Variants in NOB1 observed in about 807,000 individuals in gnomAD.
NOB1 encodes the protein RNA-binding protein NOB1.
In NOB1, 44 loss-of-function variants were observed where a neutral mutation model predicts 44.8. The observed-to-expected ratio is 0.98, with a 90% CI of 0.77 to 1.26. The LOEUF (loss-of-function observed/expected upper bound fraction) is 1.26. Among genes scored for constraint, NOB1 ranks in the 50% most tolerant of loss-of-function variants. The probability of loss-of-function intolerance (pLI) is 0.00; values close to 1 mark genes in which losing one functional copy is unlikely to be tolerated. For missense variants in NOB1, 560 were observed against 544.8 expected (o/e 1.03, Z -0.28); for synonymous variants, 238 against 218.7 (o/e 1.09, Z -0.78).
In NOB1 at chr16:69,742,347, A is replaced by T; in HGVS notation, c.1224T>A (p.Phe408Leu). ...RLNPNASRKK[F>L]VKKR ...AACTCGCTCTTCACCTTTTCTTCAC[A>T]AACTTCTTTCTGGAAGCGTTGGGAT... Residue 408 changes from phenylalanine to leucine, a missense_variant, in exon 9 of 9, where the codon TTT (phenylalanine) becomes TTA (leucine). Phe to Leu is a conservative substitution (Grantham distance 22). Transcript: ENST00000268802. 6.2e-7 allele frequency: 1 copy of T among 1,611,518 alleles called. No individual in the cohort carries two copies.
At chr16:69,749,191 A>C (rs1008303472) in intron 5 of NOB1, 22 bp downstream of exon 5, 11 of 1,613,004 alleles carry the variant, frequency 6.8e-6, no homozygotes, top group Non-Finnish European at 9.3e-6. Context: ...TGTCGTCAGA[A>C]GACCAAAAGT....
chr16:69,748,309 C>A lies in NOB1; in HGVS notation c.747G>T (p.Gly249=), dbSNP rs746986966. The A allele has an allele frequency of 4.3e-6, 7 of 1,613,776 alleles. No homozygotes were observed. The highest frequency in any genetic ancestry group is 5.9e-6 in the Non-Finnish European group (7 of 1,179,740). ...FAMQNVLLQM[G]LHVLAVNGML... ...TGCCGTTCACCGCCAGCACGTGCAGCCCCATCTGCAGCAGAACATTCTACA... is the reference window on the plus strand; with the variant it reads ...TGCCGTTCACCGCCAGCACGTGCAGACCCATCTGCAGCAGAACATTCTACA... Residue 249 remains glycine, a synonymous_variant, in exon 7 of 9, where the codon GGG becomes GGT. Transcript: ENST00000268802.
At chr16:69,746,901 G>GA (rs1356116916) in intron 7 of NOB1, among the ~76,000 whole-genome samples, 9 of 150,454 alleles carry the variant, frequency 6.0e-5, no homozygotes, top group Non-Finnish European at 1.3e-4. Flanking sequence ...CTCTGTCTCA[G>GA]AAAAAAACAA....
chr16:69,752,102 G>T, intron 3 of NOB1, 139 bp downstream of exon 3: 1 of 755,004 alleles, frequency 1.3e-6, no homozygotes, highest in Non-Finnish European at 2.2e-6. Flanking sequence ...GATCAGTGTA[G>T]ATGAATACAG....
rs775362926 is a variant in NOB1, at chr16:69,742,459, G to A, written c.1112C>T (p.Ser371Leu). The A allele has an allele frequency of 2.5e-6, 4 of 1,614,146 alleles. No homozygotes were observed. In the African/African-American group the frequency reaches 5.3e-5, roughly 22 times the overall value. The change falls in exon 9 of 9, where the codon TCA becomes TTA. Residue 371 changes from serine to leucine, a missense_variant. Coordinates refer to ENST00000268802, the MANE Select transcript of NOB1 (RefSeq NM_014062.3). ...GGAGATGTCATTCTCGACAAAGGGT[G>A]ACACCCCGGCGATGTAGTCAGGGGC... ...VFAPDYIAGVSPFVENDISSR... is the reference protein window; with the variant it reads ...VFAPDYIAGVLPFVENDISSR...
At chr16:69,746,216 G>A (rs1235706213) in intron 7 of NOB1, among the ~76,000 whole-genome samples, 1 of 152,258 alleles carries the variant, frequency 6.6e-6, no homozygotes, top group African/African-American at 2.4e-5. Context: ...TGGGGACCCA[G>A]AGAGGCACCT....
chr16:69,745,106 GAAGA>G (rs1317358082), intron 7 of NOB1, 89 bp from the exon 8 acceptor site: 1 of 1,402,552 alleles, frequency 7.1e-7, no homozygotes, highest in Non-Finnish European at 9.9e-7. Flanking sequence ...GGCCTCAGGA[GAAGA>G]AACAGGGAAG....
intron 7 of NOB1, among the ~76,000 whole-genome samples, chr16:69,747,222 CAAAA>C (rs35257586): frequency 6.4e-5 from 5 of 78,606 alleles, no homozygotes; most frequent in East Asian, 4.8e-4. Flanking sequence ...ACCCTGTCTC[CAAAA>C]AAAAAAAAAA....
chr16:69,749,355 C>T lies in NOB1; in HGVS notation c.400-17G>A, dbSNP rs373756548. ...GGGTTTAGGCTGAAATTAAAAGAAA[C>T]AATTTTAAAACCTGAAAATTCATCT... On this transcript the variant is annotated splice_polypyrimidine_tract_variant and intron_variant, in intron 4 of 8. Coordinates refer to ENST00000268802, the MANE Select transcript of NOB1 (RefSeq NM_014062.3). 6.3e-6 allele frequency: 10 copies of T among 1,578,916 alleles called. No homozygotes were observed. Among genetic ancestry groups the T allele is most frequent in the East Asian group, 4.5e-5 (2 of 44,720 alleles).
chr16:69,744,571 G>T (rs535875815), intron 8 of NOB1, among the ~76,000 whole-genome samples: 1 of 152,012 alleles, frequency 6.6e-6, no homozygotes, highest in Non-Finnish European at 1.5e-5. Flanking sequence ...TCCTCTCTGC[G>T]TCATGGGCTT....
intron 6 of NOB1, 33 bp downstream of exon 6, chr16:69,748,885 G>C: frequency 1.3e-6 from 2 of 1,541,118 alleles, no homozygotes; most frequent in Non-Finnish European, 1.8e-6. Context: ...CCGATGACGT[G>C]TGTGACACAC....
intron 7 of NOB1, among the ~76,000 whole-genome samples, chr16:69,746,226 T>G (rs925229697): frequency 6.6e-6 from 1 of 152,228 alleles, no homozygotes; most frequent in African/African-American, 2.4e-5. Context: ...GAGAGGCACC[T>G]TTGATGATTC....
At chr16:69,743,294 A>G (rs547289857) in intron 8 of NOB1, among the ~76,000 whole-genome samples, 1 of 152,372 alleles carries the variant, frequency 6.6e-6, no homozygotes, top group African/African-American at 2.4e-5. Flanking sequence ...AAGGAATGAC[A>G]GAAAATCACC....
intron 2 of NOB1, among the ~76,000 whole-genome samples, chr16:69,753,867 T>C (rs2038502510): frequency 6.6e-6 from 1 of 152,038 alleles, no homozygotes; most frequent in Non-Finnish European, 1.5e-5. Context: ...AGTGCAGTGG[T>C]ACGATCTCGG....
chr16:69,744,536 T>G (rs527777010), intron 8 of NOB1, among the ~76,000 whole-genome samples: 107 of 152,218 alleles, frequency 7.0e-4, no homozygotes, highest in African/African-American at 2.4e-3. Context: ...GGCCCTCTCT[T>G]CCGTGCTGTG....
rs753534622 is a variant in NOB1 at position 69,748,231 on chromosome 16, C to G, written c.824+1G>C. 10 of 1,612,206 alleles carry G rather than the reference C, an allele frequency of 6.2e-6. No individual in the cohort carries two copies. The East Asian group carries it at 2.0e-4, about 32-fold the overall frequency. On this transcript the variant is annotated splice_donor_variant, in intron 7 of 8. Coordinates refer to ENST00000268802, the MANE Select transcript of NOB1 (RefSeq NM_014062.3). LOFTEE classifies it high-confidence loss of function. Reference sequence around the variant, plus strand: ...CCAGGGCCAGGGCACCAGCTACATACTTGAAACAGCCATGGCAGCGCAAGA... The same window carrying G: ...CCAGGGCCAGGGCACCAGCTACATAGTTGAAACAGCCATGGCAGCGCAAGA...
rs2038386683 is a variant in NOB1 at position 69,742,164 on chromosome 16, G to A, written c.*168C>T. ...TCCGGTGCTCACAGGCCATGGGACA[G>A]TCCAGTTCCCTGCAGACCCAGCGGG... On this transcript the variant is annotated 3_prime_UTR_variant, in exon 9 of 9. Coordinates refer to ENST00000268802, the MANE Select transcript of NOB1 (RefSeq NM_014062.3). The A allele has an allele frequency of 1.2e-6, 1 of 829,012 alleles. No homozygotes were observed. Among genetic ancestry groups the A allele is most frequent in the South Asian group, 1.8e-5 (1 of 55,190 alleles). 51.4% of individuals were successfully genotyped at this position (829,012 alleles called of 1,614,324 possible).
rs746986966 is a variant in NOB1 at position 69,748,309 on chromosome 16, C to G, written c.747G>C (p.Gly249=). ...TGCCGTTCACCGCCAGCACGTGCAGCCCCATCTGCAGCAGAACATTCTACA... is the reference window on the plus strand; with the variant it reads ...TGCCGTTCACCGCCAGCACGTGCAGGCCCATCTGCAGCAGAACATTCTACA... The part of the protein sequence containing the change: ...FAMQNVLLQM[G]LHVLAVNGML... The change falls in exon 7 of 9, where the codon GGG becomes GGC. Residue 249 remains glycine, a synonymous_variant. Coordinates refer to ENST00000268802, the MANE Select transcript of NOB1 (RefSeq NM_014062.3). 1.2e-6 allele frequency: 2 copies of G among 1,613,658 alleles called. No homozygotes were observed. Among genetic ancestry groups the G allele is most frequent in the Admixed American group, 1.7e-5 (1 of 59,984 alleles).
rs1567645274 is a variant in NOB1, at chr16:69,754,904, G to A, written c.7C>T (p.Pro3Ser). Reference sequence around the variant, plus strand: ...GCATCCGCCACAACGTGCTCCACTGGAGCCATGTTGGCTGCGTGAGAGGGG... The same window carrying A: ...GCATCCGCCACAACGTGCTCCACTGAAGCCATGTTGGCTGCGTGAGAGGGG... Reference protein sequence around the residue: MAPVEHVVADAGA... With the variant: MASVEHVVADAGA... The change falls in exon 1 of 9, where the codon CCA becomes TCA. Residue 3 changes from proline (P) to serine (S), a missense_variant. By Grantham distance (74) the Pro-to-Ser change is moderately conservative. Coordinates refer to ENST00000268802, the MANE Select transcript of NOB1 (RefSeq NM_014062.3). The A allele has an allele frequency of 3.2e-6, 5 of 1,585,460 alleles. No individual in the cohort carries two copies. Among genetic ancestry groups the A allele is most frequent in the Middle Eastern group, 1.7e-4 (1 of 6,018 alleles).
Sources: gnomAD v4.1 joint callset for allele counts (sites outside exome capture counted in the v4.1 genomes callset) on GRCh38, gnomAD v4.1.1 for gene constraint, MANE v1.5 for transcripts, NCBI Gene and HGNC (gene_info 2026-07-23, HGNC 2026-07-21) for gene names.